BTBD8: variants seen among roughly 807,000 people sequenced by gnomAD.
BTBD8 encodes the protein BTB domain containing 8, also known as BTB/POZ domain-containing protein 8.
BTBD8 carries 110 observed loss-of-function variants against 162.9 expected under a neutral mutation model. The observed-to-expected ratio is 0.68, with a 90% CI of 0.58 to 0.79. BTBD8 has a LOEUF of 0.79. BTBD8 is among the 30% of genes least tolerant of loss of function. The pLI is 0.00. For synonymous variants in BTBD8, 667 were observed against 716.1 expected (o/e 0.93, Z 1.10); for missense variants, 1,905 against 2,085.4 (o/e 0.91, Z 1.68).
chr1:92,174,627 T>TG (rs1650650588), intron 13 of BTBD8, among the ~76,000 whole-genome samples: 1 of 19,812 alleles, frequency 5.0e-5, no homozygotes, highest in Non-Finnish European at 1.1e-4. Context: ...TAGAGAAATG[T>TG]TTTTTTTTTG....
At chr1:92,142,934 A>G (rs1394268687) in intron 7 of BTBD8, among the ~76,000 whole-genome samples, 1 of 152,230 alleles carries the variant, frequency 6.6e-6, no homozygotes, top group African/African-American at 2.4e-5. Flanking sequence ...AATTTGACCC[A>G]GAAAATGGAG....
chr1:92,174,335 A>G (rs1022403020), intron 13 of BTBD8, among the ~76,000 whole-genome samples: 1 of 152,090 alleles, frequency 6.6e-6, no homozygotes, highest in Non-Finnish European at 1.5e-5. Context: ...GCATAGGCCC[A>G]AGCTACCATG....
Position 92,180,314 on chromosome 1 carries a change from G to A in BTBD8, c.2631G>A (p.Arg877=). 2 of 1,550,884 alleles carry A rather than the reference G, an allele frequency of 1.3e-6. No homozygotes were observed. The highest frequency in any genetic ancestry group is 1.7e-6 in the Non-Finnish European group (2 of 1,146,758). ...CAGTAAAATCTTCAGTCTCTTCAAG[G>A]CAGTCTGATGAAAATGTGGCAAAGT... ...PNSVKSSVSS[R]QSDENVAKLD... Residue 877 remains arginine (R), a synonymous_variant, in exon 17 of 18, where the codon AGG becomes AGA. Transcript: ENST00000636805.
At chr1:92,136,960 G>A (rs1649649351) in intron 5 of BTBD8, among the ~76,000 whole-genome samples, 1 of 151,984 alleles carries the variant, frequency 6.6e-6, no homozygotes, top group African/African-American at 2.4e-5. Flanking sequence ...TTTCACCTTG[G>A]GTACATTAGG....
At chr1:92,083,854 G>C in intron 1 of BTBD8, among the ~76,000 whole-genome samples, 1 of 152,150 alleles carries the variant, frequency 6.6e-6, no homozygotes, top group East Asian at 1.9e-4. Context: ...GGAAAAGGAA[G>C]CATTGAAAAT....
chr1:92,132,660 C>G (rs890435221), intron 5 of BTBD8, among the ~76,000 whole-genome samples: 1 of 152,138 alleles, frequency 6.6e-6, no homozygotes, highest in African/African-American at 2.4e-5. Flanking sequence ...GTATTAGTGC[C>G]AGGCATGACC....
chr1:92,114,431 A>G (rs1309273390), intron 4 of BTBD8, among the ~76,000 whole-genome samples: 1 of 152,068 alleles, frequency 6.6e-6, no homozygotes, highest in Admixed American at 6.5e-5. Flanking sequence ...AATTTAAAAA[A>G]GTTTTTAAAA....
intron 5 of BTBD8, among the ~76,000 whole-genome samples, chr1:92,132,701 A>T (rs506375): frequency 1.3e-5 from 2 of 152,136 alleles, no homozygotes; most frequent in East Asian, 3.9e-4. Context: ...ATTTTCCCTT[A>T]ACTTTTACTG....
At chr1:92,182,731 A>G (rs1650951873) in intron 17 of BTBD8, 136 bp downstream of exon 17, 1 of 504,830 alleles carries the variant, frequency 2.0e-6, no homozygotes, top group African/African-American at 2.0e-5. Context: ...TTTTAAATGA[A>G]AAATGTCTTA....
At chr1:92,103,353 A>G (rs1275672617) in intron 3 of BTBD8, among the ~76,000 whole-genome samples, 1 of 152,224 alleles carries the variant, frequency 6.6e-6, no homozygotes, top group Non-Finnish European at 1.5e-5. Context: ...ATTATGGTGA[A>G]TGAATAGACA....
chr1:92,147,284 T>C lies in BTBD8; in HGVS notation c.1019+16T>C, dbSNP rs1471256161. 1.9e-6 allele frequency: 3 copies of C among 1,566,574 alleles called. No individual in the cohort carries two copies. Among genetic ancestry groups the C allele is most frequent in the Non-Finnish European group, 2.6e-6 (3 of 1,143,068 alleles). The stretch of plus-strand genomic sequence containing the variant: ...ACTGCATGAAGTAAGTTATGTTAAG[T>C]AGTGCTGATACTATTAATTTAGGGA... On this transcript the variant is annotated intron_variant, in intron 8 of 17. Transcript: ENST00000636805.
intron 3 of BTBD8, 64 bp from the exon 4 acceptor site, chr1:92,107,820 G>T (rs1016191620): frequency 7.4e-7 from 1 of 1,347,536 alleles, no homozygotes. Context: ...GATAATAATA[G>T]AAAACAATTT....
chr1:92,172,855 A>C (rs1470948978), intron 13 of BTBD8, among the ~76,000 whole-genome samples: 3 of 152,214 alleles, frequency 2.0e-5, no homozygotes, highest in African/African-American at 7.2e-5. Flanking sequence ...ATTGTTTCCA[A>C]AGTGGGTTTC....
chr1:92,134,873 T>A (rs943570052), intron 5 of BTBD8, among the ~76,000 whole-genome samples: 11 of 146,924 alleles, frequency 7.5e-5, no homozygotes, highest in Non-Finnish European at 1.2e-4. Context: ...GATTTTATTT[T>A]ATTTAATTAA....
intron 9 of BTBD8, among the ~76,000 whole-genome samples, chr1:92,149,090 G>A (rs141742699): frequency 5.3e-5 from 8 of 152,198 alleles, no homozygotes; most frequent in African/African-American, 1.9e-4. Flanking sequence ...GTAGAAAAAG[G>A]TATGTAAAAA....
At chr1:92,120,632 T>A (rs756703863) in intron 4 of BTBD8, among the ~76,000 whole-genome samples, 23 of 152,316 alleles carry the variant, frequency 1.5e-4, no homozygotes, top group Non-Finnish European at 2.6e-4. Flanking sequence ...ATGTGAGTAA[T>A]GCTTTGCACT....
chr1:92,096,960 A>G (rs1423490613), intron 2 of BTBD8, among the ~76,000 whole-genome samples: 3 of 152,022 alleles, frequency 2.0e-5, no homozygotes, highest in Non-Finnish European at 2.9e-5. Context: ...CCTGCTTTCT[A>G]TTTCACTGAG....
intron 12 of BTBD8, 42 bp from the exon 13 acceptor site, chr1:92,171,357 A>G (rs1373692156): frequency 1.4e-6 from 2 of 1,425,328 alleles, no homozygotes; most frequent in Non-Finnish European, 1.9e-6. Context: ...TAAGGTAATA[A>G]TAATGTTCCT....
intron 12 of BTBD8, among the ~76,000 whole-genome samples, chr1:92,169,244 G>A (rs1330006405): frequency 6.6e-6 from 1 of 152,144 alleles, no homozygotes; most frequent in Non-Finnish European, 1.5e-5. Flanking sequence ...TAGCAACAAT[G>A]TTCTAGGCAA....
Sources: gnomAD v4.1 joint callset for allele counts (sites outside exome capture counted in the v4.1 genomes callset) on GRCh38, gnomAD v4.1.1 for gene constraint, MANE v1.5 for transcripts, NCBI Gene and HGNC (gene_info 2026-07-23, HGNC 2026-07-21) for gene names.